APBB2: variants seen among roughly 807,000 people sequenced by gnomAD.
The protein encoded by APBB2 is Fe65-like 1.
Under a neutral mutation model 82.5 loss-of-function variants are expected in APBB2, and 38 were observed. The ratio of observed to expected loss-of-function variants is 0.46; its 90% CI spans 0.36 to 0.60. The LOEUF (loss-of-function observed/expected upper bound fraction) is 0.60. Among genes scored for constraint, APBB2 ranks in the 20% least tolerant of loss-of-function variants. APBB2 has a pLI of 0.00. For synonymous variants in APBB2, 341 were observed against 368.2 expected (o/e 0.93, Z 0.85); for missense variants, 772 against 972.3 (o/e 0.79, Z 2.74).
intron 1 of APBB2, among the ~76,000 whole-genome samples, chr4:41,184,129 C>T (rs983899080): frequency 6.6e-6 from 1 of 152,002 alleles, no homozygotes; most frequent in African/African-American, 2.4e-5. Context: ...CTAAGGCCAC[C>T]ACTGATCTGA....
chr4:41,092,410 G>C (rs1201964561), intron 3 of APBB2, among the ~76,000 whole-genome samples: 1 of 152,158 alleles, frequency 6.6e-6, no homozygotes, highest in Non-Finnish European at 1.5e-5. Flanking sequence ...CAAGAATGCA[G>C]GAGCCAAGTT....
chr4:40,926,559 C>T (rs1178675397), intron 10 of APBB2, among the ~76,000 whole-genome samples: 2 of 152,162 alleles, frequency 1.3e-5, no homozygotes, highest in African/African-American at 4.8e-5. Flanking sequence ...TCAAGCAATT[C>T]TCCTGCCTCA....
chr4:40,946,254 A>AAAAAAAAAAAAAAAACAAAAC (rs1553875174), intron 6 of APBB2, among the ~76,000 whole-genome samples: 1 of 114,560 alleles, frequency 8.7e-6, no homozygotes, highest in African/African-American at 3.3e-5. Flanking sequence ...AAAAAAAAAA[A>AAAAAAAAAAAAAAAACAAAAC]CATTCCCAAG....
intron 2 of APBB2, among the ~76,000 whole-genome samples, chr4:41,132,402 A>G (rs994196606): frequency 3.3e-5 from 5 of 152,240 alleles, no homozygotes; most frequent in African/African-American, 1.2e-4. Flanking sequence ...AAGTCAAAAG[A>G]TATTTAAAAA....
At chr4:40,926,556 A>G (rs1288042327) in intron 10 of APBB2, among the ~76,000 whole-genome samples, 1 of 152,126 alleles carries the variant, frequency 6.6e-6, no homozygotes, top group Non-Finnish European at 1.5e-5. Flanking sequence ...GGGTCAAGCA[A>G]TTCTCCTGCC....
chr4:41,083,296 T>C (rs527878173), intron 3 of APBB2, among the ~76,000 whole-genome samples: 201 of 152,218 alleles, frequency 1.3e-3, no homozygotes, highest in African/African-American at 4.7e-3. Flanking sequence ...TATGTACACA[T>C]GTAAAAAGAC....
At chr4:41,068,701 C>A (rs540282711) in intron 3 of APBB2, among the ~76,000 whole-genome samples, 1 of 150,820 alleles carries the variant, frequency 6.6e-6, no homozygotes, top group East Asian at 2.0e-4. Flanking sequence ...TGGAAGATGT[C>A]TTTTCTTAAA....
chr4:40,930,464 C>A (rs1328675155), intron 10 of APBB2, among the ~76,000 whole-genome samples: 2 of 133,018 alleles, frequency 1.5e-5, no homozygotes, highest in Non-Finnish European at 3.1e-5. Context: ...CGCGCGCGCG[C>A]GCGTGCGCGT....
chr4:41,033,058 C>T (rs1717625053), intron 5 of APBB2, among the ~76,000 whole-genome samples, 178 bp downstream of exon 5: 1 of 152,166 alleles, frequency 6.6e-6, no homozygotes, highest in Non-Finnish European at 1.5e-5. Context: ...GCTGGGATTA[C>T]AGGCGTGAGC....
chr4:41,022,896 A>T (rs1272459508), intron 5 of APBB2, among the ~76,000 whole-genome samples: 2 of 152,212 alleles, frequency 1.3e-5, no homozygotes, highest in African/African-American at 4.8e-5. Context: ...TTTCCTTGAA[A>T]AAAAGGAAAG....
At chr4:41,151,955 C>A (rs182253753) in intron 1 of APBB2, among the ~76,000 whole-genome samples, 1 of 152,128 alleles carries the variant, frequency 6.6e-6, no homozygotes, top group Non-Finnish European at 1.5e-5. Context: ...TACTCCTAAC[C>A]ATTTACTCTT....
At position 40,821,937 on chromosome 4, in the gene APBB2, C is replaced by T. The variant is rs747314373; in HGVS notation, c.2046G>A (p.Glu682=). Residue 682 remains glutamate, a synonymous_variant, in exon 17 of 18, where the codon GAG becomes GAA. Transcript: ENST00000508593. ...TAGGCTCGCACCAGAAAACGTGGCA[C>T]TCAAAGCGCTGGTTCCCCGTGTCCA... The part of the protein sequence containing the change: ...FIMDTGNQRF[E]CHVFWCEPNA... 3.4e-5 allele frequency: 55 copies of T among 1,614,056 alleles called. No individual in the cohort carries two copies. Among genetic ancestry groups the T allele is most frequent in the Non-Finnish European group, 4.7e-5 (55 of 1,180,056 alleles).
rs567872112 is a variant in APBB2 at position 41,138,659 on chromosome 4, A to G, written c.-261+4328T>C. On this transcript the variant is annotated intron_variant, in intron 2 of 17. Coordinates refer to ENST00000508593, the MANE Select transcript of APBB2 (RefSeq NM_004307.2). ...ATAATTATCATCTTTTATCCTTATC[A>G]AAAAGCTACATAACAGAATGATTTC... 5.3e-5 allele frequency among the ~76,000 whole-genome samples: 8 copies of G among 152,332 alleles called. No homozygotes were observed. In the South Asian group the frequency reaches 1.7e-3, roughly 32 times the overall value.
At chr4:41,030,119 G>A (rs1383202776) in intron 5 of APBB2, among the ~76,000 whole-genome samples, 8 of 152,102 alleles carry the variant, frequency 5.3e-5, no homozygotes, top group Admixed American at 2.0e-4. Flanking sequence ...TCGCACCACC[G>A]CACTCCAGCC....
chr4:41,004,170 C>A (rs781034231), intron 6 of APBB2, among the ~76,000 whole-genome samples: 4 of 151,864 alleles, frequency 2.6e-5, no homozygotes, highest in Non-Finnish European at 5.9e-5. Context: ...CTACCCACCT[C>A]GGCCTCCCAA....
chr4:41,030,880 C>G lies in APBB2; in HGVS notation c.19+2356G>C, dbSNP rs529247563. Among the ~76,000 whole-genome samples the G allele has an allele frequency of 1.8e-3, 255 of 138,946 alleles. 1 individual carries two copies. Among genetic ancestry groups the G allele is most frequent in the Middle Eastern group, 7.0e-3 (2 of 286 alleles). The allele number at this position is 138,946 out of a possible 152,430, so 91.2% of individuals were successfully genotyped here. The stretch of plus-strand genomic sequence containing the variant: ...GGCCTGCTCAGAAGGCACTCCTGAG[C>G]TGAATCGTGAAGGGCCAATAGGAGT... On this transcript the variant is annotated intron_variant, in intron 5 of 17. Transcript: ENST00000508593.
chr4:40,814,384 T>C lies in APBB2; in HGVS notation c.*1708A>G, dbSNP rs1417152048. 2 of 152,214 alleles carry C rather than the reference T, an allele frequency of 1.3e-5. No homozygotes were observed. Among genetic ancestry groups the C allele is most frequent in the African/African-American group, 4.8e-5 (2 of 41,444 alleles). 9.4% of individuals were successfully genotyped at this position (152,214 alleles called of 1,614,324 possible). ...GCCCAGAATCATTCTGGAAAGGCTC[T>C]TCCTGACGGATATGGAGGCAGCACA... On this transcript the variant is annotated 3_prime_UTR_variant, in exon 18 of 18. Transcript: ENST00000508593.
At chr4:41,197,657 A>G in intron 1 of APBB2, among the ~76,000 whole-genome samples, 3 of 152,162 alleles carry the variant, frequency 2.0e-5, no homozygotes, top group Non-Finnish European at 4.4e-5. Flanking sequence ...CACATCCTCT[A>G]AGCTCTATTC....
At chr4:40,855,592 C>T (rs181879404) in intron 12 of APBB2, among the ~76,000 whole-genome samples, 3 of 152,126 alleles carry the variant, frequency 2.0e-5, no homozygotes, top group African/African-American at 4.8e-5. Context: ...AGAAATTAGC[C>T]GGGTGTGGTG....
Sources: gnomAD v4.1 joint callset for allele counts (sites outside exome capture counted in the v4.1 genomes callset) on GRCh38, gnomAD v4.1.1 for gene constraint, MANE v1.5 for transcripts, NCBI Gene and HGNC (gene_info 2026-07-23, HGNC 2026-07-21) for gene names.